Variants in CDC73 observed in about 807,000 individuals in gnomAD.
CDC73 encodes the protein cell division cycle 73, also known as parafibromin.
Under a neutral mutation model 83.7 loss-of-function variants are expected in CDC73, and 21 were observed. The ratio of observed to expected loss-of-function variants is 0.25; its 90% CI spans 0.18 to 0.36. The LOEUF (loss-of-function observed/expected upper bound fraction) is 0.36. Ranked by LOEUF, CDC73 falls within the 10% of genes least tolerant of loss-of-function variation. The pLI is 1.00. For synonymous variants in CDC73, 224 were observed against 212.9 expected (o/e 1.05, Z -0.45); for missense variants, 342 against 653.3 (o/e 0.52, Z 5.19).
chr1:193,230,457 A>ATTTTTTT (rs752027731), intron 13 of CDC73, among the ~76,000 whole-genome samples: 2 of 90,718 alleles, frequency 2.2e-5, no homozygotes, highest in African/African-American at 4.9e-5. Context: ...CTAATCCCGT[A>ATTTTTTT]TTTTTTTTTT....
chr1:193,125,290 G>A, intron 2 of CDC73, 73 bp downstream of exon 2: 1 of 967,044 alleles, frequency 1.0e-6, no homozygotes, highest in Non-Finnish European at 1.6e-6. Context: ...ACAGGGTCTG[G>A]CCTTGTTGCC....
At chr1:193,163,853 A>G (rs1044298077) in intron 10 of CDC73, among the ~76,000 whole-genome samples, 2 of 152,092 alleles carry the variant, frequency 1.3e-5, no homozygotes, top group Admixed American at 1.3e-4. Context: ...ATCTGGATCA[A>G]CTGCAACCTC....
intron 5 of CDC73, among the ~76,000 whole-genome samples, 178 bp from the exon 6 acceptor site, chr1:193,137,907 C>A (rs1427699406): frequency 6.6e-6 from 1 of 152,170 alleles, no homozygotes; most frequent in Non-Finnish European, 1.5e-5. Context: ...TAAGATTCAA[C>A]ATATATTTAT....
intron 13 of CDC73, among the ~76,000 whole-genome samples, chr1:193,221,501 A>G (rs1677469208): frequency 6.6e-6 from 1 of 152,218 alleles, no homozygotes; most frequent in Non-Finnish European, 1.5e-5. Flanking sequence ...TTTTAAAAAA[A>G]TAAATATATC....
chr1:193,177,603 A>G (rs1676631436), intron 10 of CDC73, among the ~76,000 whole-genome samples: 1 of 151,426 alleles, frequency 6.6e-6, no homozygotes, highest in African/African-American at 2.4e-5. Flanking sequence ...GATCTTAGGT[A>G]TTTAACCTCT....
chr1:193,227,704 G>A (rs1221595518), intron 13 of CDC73, among the ~76,000 whole-genome samples: 2 of 151,996 alleles, frequency 1.3e-5, no homozygotes, highest in African/African-American at 4.8e-5. Flanking sequence ...AGTTCTATAG[G>A]CTAGGAAGCA....
rs74482670 is a variant in CDC73 at position 193,221,732 on chromosome 1, A to G, written c.1154+9255A>G. ...TAGTCTTGTTTACTACAGAGAAACC[A>G]GACAATTAAACAGACCACATTCTTA... On this transcript the variant is annotated intron_variant, in intron 13 of 16. Transcript: ENST00000367435. 1.3e-3 allele frequency among the ~76,000 whole-genome samples: 194 copies of G among 152,342 alleles called. 2 individuals are homozygous for G. Among genetic ancestry groups the G allele is most frequent in the African/African-American group, 4.5e-3 (188 of 41,584 alleles).
chr1:193,169,843 G>C (rs1253081088), intron 10 of CDC73, among the ~76,000 whole-genome samples: 2 of 151,420 alleles, frequency 1.3e-5, no homozygotes, highest in East Asian at 1.9e-4. Context: ...GTGCAGGTTT[G>C]TTACACATGT....
At chr1:193,229,145 C>T (rs1397625671) in intron 13 of CDC73, among the ~76,000 whole-genome samples, 3 of 152,178 alleles carry the variant, frequency 2.0e-5, no homozygotes, top group African/African-American at 7.2e-5. Flanking sequence ...TAAAATGGTT[C>T]AACTGCTTTG....
At chr1:193,138,274 G>T in intron 6 of CDC73, 101 bp downstream of exon 6, 1 of 840,850 alleles carries the variant, frequency 1.2e-6, no homozygotes, top group Non-Finnish European at 2.1e-6. Context: ...TTTACCTCTT[G>T]GATTCATTTT....
intron 10 of CDC73, chr1:193,180,219 G>T: frequency 5.5e-6 from 7 of 1,269,410 alleles, no homozygotes; most frequent in Admixed American, 2.7e-5. Context: ...CTTGTCCTAC[G>T]GATGTAATCA....
At chr1:193,164,294 T>C (rs1320224580) in intron 10 of CDC73, among the ~76,000 whole-genome samples, 1 of 152,196 alleles carries the variant, frequency 6.6e-6, no homozygotes, top group Non-Finnish European at 1.5e-5. Flanking sequence ...TTTTGTTGCC[T>C]ATGGTTGATC....
At chr1:193,240,823 A>G (rs1373141995) in intron 15 of CDC73, among the ~76,000 whole-genome samples, 1 of 152,158 alleles carries the variant, frequency 6.6e-6, no homozygotes, top group Non-Finnish European at 1.5e-5. Flanking sequence ...ATTGCTGTAC[A>G]GAAACTTTTT....
intron 1 of CDC73, 148 bp downstream of exon 1, chr1:193,122,479 G>T (rs1452493534): frequency 9.4e-7 from 1 of 1,067,584 alleles, no homozygotes; most frequent in East Asian, 2.4e-5. Flanking sequence ...TAGAGCAGAA[G>T]TTGCACTTTT....
At chr1:193,204,887 G>A (rs1471471836) in intron 11 of CDC73, among the ~76,000 whole-genome samples, 1 of 152,082 alleles carries the variant, frequency 6.6e-6, no homozygotes, top group East Asian at 1.9e-4. Flanking sequence ...TTTTCCTGCA[G>A]CAGCACAGAA....
chr1:193,163,121 A>C (rs1232339175), intron 10 of CDC73, among the ~76,000 whole-genome samples: 1 of 151,696 alleles, frequency 6.6e-6, no homozygotes, highest in Non-Finnish European at 1.5e-5. Flanking sequence ...ATTTGTAGGT[A>C]CATTATAATT....
intron 10 of CDC73, among the ~76,000 whole-genome samples, chr1:193,159,515 C>T (rs772101101): frequency 6.6e-6 from 1 of 151,962 alleles, no homozygotes; most frequent in Non-Finnish European, 1.5e-5. Context: ...GGATTACAGG[C>T]GTGCACCACC....
intron 15 of CDC73, among the ~76,000 whole-genome samples, chr1:193,244,669 A>T (rs548067332): frequency 1.7e-4 from 26 of 152,324 alleles, no homozygotes; most frequent in African/African-American, 6.3e-4. Context: ...TCTTTGTGTC[A>T]GCTGTTCCTT....
chr1:193,171,836 A>G (rs1409842356), intron 10 of CDC73, among the ~76,000 whole-genome samples: 1 of 152,166 alleles, frequency 6.6e-6, no homozygotes, highest in Non-Finnish European at 1.5e-5. Context: ...ACACTCAATC[A>G]ATATTTTTTA....
Sources: gnomAD v4.1 joint callset for allele counts (sites outside exome capture counted in the v4.1 genomes callset) on GRCh38, gnomAD v4.1.1 for gene constraint, MANE v1.5 for transcripts, NCBI Gene and HGNC (gene_info 2026-07-23, HGNC 2026-07-21) for gene names.